The following INSYN2A variants were observed in gnomAD, a reference collection of about 807,000 sequenced individuals.
INSYN2A encodes family with sequence similarity 196 member A.
A neutral mutation model predicts 39.4 loss-of-function variants in INSYN2A; 17 were observed. That is an observed-to-expected ratio of 0.43 (90% confidence interval 0.30 to 0.65). The LOEUF (loss-of-function observed/expected upper bound fraction) is 0.65, where lower values mean the gene tolerates loss of function less well. Among genes scored for constraint, INSYN2A ranks in the 30% least tolerant of loss-of-function variants. The pLI is 0.14. For missense variants in INSYN2A, 595 were observed against 631.2 expected (o/e 0.94, Z 0.61); for synonymous variants, 255 against 265.7 (o/e 0.96, Z 0.39).
In INSYN2A at chr10:127,135,922, G is replaced by A. The variant is rs1324380492; in HGVS notation, c.*1915C>T. ...TGTTGGAAACATTTTTATAACTTTAGTTAAAAACAGTATAAAAAACATGAA... is the reference window on the plus strand; with the variant it reads ...TGTTGGAAACATTTTTATAACTTTAATTAAAAACAGTATAAAAAACATGAA... On this transcript the variant is annotated 3_prime_UTR_variant, in exon 6 of 6. Transcript: ENST00000522781. 3 of 152,516 alleles carry A rather than the reference G, an allele frequency of 2.0e-5. No individual in the cohort carries two copies. The highest frequency in any genetic ancestry group is 7.2e-5 in the African/African-American group (3 of 41,412). The allele number at this position is 152,516 out of a possible 1,614,324, so 9.4% of individuals were successfully genotyped here. A position where few individuals can be genotyped will look rare whatever the true frequency, so the allele number is the denominator to read the frequency against.
chr10:127,175,727 C>T lies in INSYN2A; in HGVS notation c.669G>A (p.Gln223=). The T allele has an allele frequency of 6.2e-7, 1 of 1,614,040 alleles. No homozygotes were observed. Among genetic ancestry groups the T allele is most frequent in the Non-Finnish European group, 8.5e-7 (1 of 1,180,028 alleles). ...GGTCCTGCTTGGCCCTCCCGAGCAG[C>T]TGGTAATCGGGCTCTTCGGATGGAG... ...TRPPSEEPDY[Q]LLGRAKQDRG... Residue 223 remains glutamine (Q), a synonymous_variant, in exon 4 of 6, where the codon CAG becomes CAA. Coordinates refer to ENST00000522781, the MANE Select transcript of INSYN2A (RefSeq NM_001039762.3). This position sits in a 1 kb window ranked among gnomAD's most constrained non-coding sequence, Gnocchi z 6.3.
At chr10:127,152,311 C>T (rs2052578146) in intron 5 of INSYN2A, among the ~76,000 whole-genome samples, 1 of 152,194 alleles carries the variant, frequency 6.6e-6, no homozygotes, top group South Asian at 2.1e-4. Flanking sequence ...AAAAGTTTCC[C>T]ATTAAGCAAA....
intron 4 of INSYN2A, among the ~76,000 whole-genome samples, chr10:127,166,768 G>A (rs552196659): frequency 1.3e-5 from 2 of 152,098 alleles, no homozygotes; most frequent in African/African-American, 2.4e-5. Context: ...ATTAGAACTT[G>A]CATTTCATTT....
At chr10:127,185,861 C>T (rs1450168942) in intron 2 of INSYN2A, among the ~76,000 whole-genome samples, 1 of 152,130 alleles carries the variant, frequency 6.6e-6, no homozygotes, top group Non-Finnish European at 1.5e-5. Flanking sequence ...AGAAATGGTA[C>T]AGGTTCTATA....
intron 5 of INSYN2A, among the ~76,000 whole-genome samples, chr10:127,142,265 G>A (rs376206098): frequency 7.2e-5 from 11 of 152,216 alleles, no homozygotes; most frequent in African/African-American, 2.2e-4. Flanking sequence ...GTGGGAAGCC[G>A]GGGCTCCAAA....
Position 127,175,654 on chromosome 10 carries a change from C to A in INSYN2A, c.742G>T (p.Val248Leu), listed in dbSNP as rs1327652267. The change falls in exon 4 of 6, where the codon GTG becomes TTG. Residue 248 changes from valine (V) to leucine (L), a missense_variant. Val to Leu is a conservative substitution (Grantham distance 32). Coordinates refer to ENST00000522781, the MANE Select transcript of INSYN2A (RefSeq NM_001039762.3). This position sits in a 1 kb window ranked among gnomAD's most constrained non-coding sequence, Gnocchi z 6.3. ...EEPAPPALRR[V>L]FKTEVATVYA... Reference sequence around the variant, plus strand: ...ACGGTGGCAACCTCCGTTTTAAACACCCTCCTGAGGGCAGGTGGAGCGGGC... The same window carrying A: ...ACGGTGGCAACCTCCGTTTTAAACAACCTCCTGAGGGCAGGTGGAGCGGGC... 1.2e-6 allele frequency: 2 copies of A among 1,613,492 alleles called. No individual in the cohort carries two copies. The highest frequency in any genetic ancestry group is 2.2e-5 in the East Asian group (1 of 44,854).
chr10:127,175,697 C>G lies in INSYN2A; in HGVS notation c.699G>C (p.Gly233=), dbSNP rs201163273. Residue 233 remains glycine, a synonymous_variant, in exon 4 of 6, where the codon GGG becomes GGC. Transcript: ENST00000522781. This position sits in a 1 kb window ranked among gnomAD's most constrained non-coding sequence, Gnocchi z 6.3. The stretch of plus-strand genomic sequence containing the variant: ...GAGCGGGCTCCTCGGAGTTTGGCCT[C>G]CCCCGGTCCTGCTTGGCCCTCCCGA... ...QLLGRAKQDR[G]RPNSEEPAPP... The G allele has an allele frequency of 2.5e-6, 4 of 1,613,742 alleles. No homozygotes were observed. The highest frequency in any genetic ancestry group is 3.4e-6 in the Non-Finnish European group (4 of 1,179,958).
intron 5 of INSYN2A, among the ~76,000 whole-genome samples, chr10:127,144,674 C>T (rs865993994): frequency 2.6e-5 from 4 of 152,306 alleles, no homozygotes; most frequent in Middle Eastern, 3.4e-3. Context: ...TATATACCTA[C>T]ATTAAATATA....
chr10:127,170,582 G>A (rs2054477471), intron 4 of INSYN2A, among the ~76,000 whole-genome samples: 1 of 152,188 alleles, frequency 6.6e-6, no homozygotes, highest in Non-Finnish European at 1.5e-5. Context: ...AAAGAGCGCT[G>A]TCGGGGTTGC....
intron 4 of INSYN2A, among the ~76,000 whole-genome samples, chr10:127,157,284 C>A (rs2053175101): frequency 1.3e-5 from 2 of 152,116 alleles, no homozygotes; most frequent in Non-Finnish European, 2.9e-5. Context: ...GTGTTAACAT[C>A]CTGCAGTGGG....
chr10:127,154,150 A>AT (rs2052793956), intron 4 of INSYN2A, among the ~76,000 whole-genome samples: 1 of 152,220 alleles, frequency 6.6e-6, no homozygotes, highest in Non-Finnish European at 1.5e-5. Flanking sequence ...AGTGAACATA[A>AT]GCTCCTGGAT....
intron 5 of INSYN2A, among the ~76,000 whole-genome samples, chr10:127,152,094 G>T (rs1235427088): frequency 1.3e-5 from 2 of 152,010 alleles, no homozygotes; most frequent in African/African-American, 4.8e-5. Flanking sequence ...ACCTACCCTG[G>T]ATGTCTTGAC....
intron 5 of INSYN2A, chr10:127,146,225 A>G (rs2051837582): frequency 3.8e-6 from 1 of 260,998 alleles, no homozygotes; most frequent in South Asian, 3.7e-5. Flanking sequence ...GGCTGGGACT[A>G]TCAGTATAAT....
intron 5 of INSYN2A, among the ~76,000 whole-genome samples, chr10:127,149,365 C>G (rs890820879): frequency 1.3e-5 from 2 of 152,144 alleles, no homozygotes; most frequent in Non-Finnish European, 2.9e-5. Context: ...GTTTTCCCCC[C>G]GCCTTGAAAT....
intron 5 of INSYN2A, among the ~76,000 whole-genome samples, chr10:127,139,866 T>G (rs1484224873): frequency 6.6e-6 from 1 of 152,154 alleles, no homozygotes; most frequent in Non-Finnish European, 1.5e-5. Flanking sequence ...AATTTAAATA[T>G]TATTGTACCA....
chr10:127,166,588 C>T (rs2054110691), intron 4 of INSYN2A, among the ~76,000 whole-genome samples: 1 of 152,156 alleles, frequency 6.6e-6, no homozygotes, highest in South Asian at 2.1e-4. Context: ...GAAGATAATA[C>T]CAAATGGCTG....
intron 4 of INSYN2A, among the ~76,000 whole-genome samples, 170 bp from the exon 5 acceptor site, chr10:127,154,093 A>C (rs1306003010): frequency 6.6e-6 from 1 of 152,204 alleles, no homozygotes; most frequent in Admixed American, 6.5e-5. Flanking sequence ...GTTGTACAAA[A>C]CCAATGCAAC....
chr10:127,164,763 ATTT>A (rs1348327996), intron 4 of INSYN2A, among the ~76,000 whole-genome samples: 1 of 152,172 alleles, frequency 6.6e-6, no homozygotes, highest in African/African-American at 2.4e-5. Flanking sequence ...AGTAATTATT[ATTT>A]TGTGTGTGGA....
intron 4 of INSYN2A, among the ~76,000 whole-genome samples, chr10:127,167,868 C>T (rs2133787902): frequency 6.6e-6 from 1 of 152,220 alleles, no homozygotes; most frequent in South Asian, 2.1e-4. Context: ...AAAATCTCTT[C>T]CCTGTGTTCA....
Sources: gnomAD v4.1 joint callset for allele counts (sites outside exome capture counted in the v4.1 genomes callset) on GRCh38, gnomAD v4.1.1 for gene constraint, Gnocchi (gnomAD v3.1) non-coding constraint, MANE v1.5 for transcripts, NCBI Gene and HGNC (gene_info 2026-07-23, HGNC 2026-07-21) for gene names.